KANK1: variants seen among roughly 807,000 people sequenced by gnomAD.
The protein encoded by KANK1 is KN motif and ankyrin repeat domain-containing protein 1.
A neutral mutation model predicts 106.2 loss-of-function variants in KANK1; 109 were observed. The ratio of observed to expected loss-of-function variants is 1.03; its 90% CI spans 0.88 to 1.20. The LOEUF is 1.20. KANK1 is among the 50% of genes most tolerant of loss of function. KANK1 has a pLI of 0.00. For synonymous variants in KANK1, 873 were observed against 652.2 expected, an observed-to-expected ratio of 1.34 and a Z score of -5.16; for missense variants, 2,399 against 1,710.7, an observed-to-expected ratio of 1.40 and a Z score of -7.10.
At chr9:579,690 G>C (rs1160198836) in intron 1 of KANK1, among the ~76,000 whole-genome samples, 2 of 152,140 alleles carry the variant, frequency 1.3e-5, no homozygotes, top group African/African-American at 2.4e-5. Flanking sequence ...GTCCACCTCT[G>C]ACCCTGTGGC....
At position 740,781 on chromosome 9, in the gene KANK1, TTTTTTTA is replaced by T. The variant is rs2132191888; in HGVS notation, c.3554-10_3554-4del. ...GCTTCCTAAGAGACTTTTTTTTTTT[TTTTTTTA>T]CAGATGTGTGTAATGTGGATCACCA... On this transcript the variant is annotated splice_region_variant and splice_polypyrimidine_tract_variant and intron_variant, in intron 8 of 11. Coordinates refer to ENST00000382297, the MANE Select transcript of KANK1 (RefSeq NM_015158.5). 6.3e-7 allele frequency: 1 copy of T among 1,575,672 alleles called. No individual in the cohort carries two copies. The highest frequency in any genetic ancestry group is 8.6e-7 in the Non-Finnish European group (1 of 1,167,812).
At chr9:603,683 G>T (rs1828343938) in intron 1 of KANK1, among the ~76,000 whole-genome samples, 1 of 151,680 alleles carries the variant, frequency 6.6e-6, no homozygotes, top group Admixed American at 6.6e-5. Context: ...GGCCAGGCAT[G>T]GTGGCTTTAC....
chr9:652,526 A>T (rs1451187863), intron 1 of KANK1, among the ~76,000 whole-genome samples: 2 of 152,208 alleles, frequency 1.3e-5, no homozygotes, highest in Non-Finnish European at 2.9e-5. Flanking sequence ...TGTGTCTCAA[A>T]AGTAAAATAA....
At chr9:506,814 A>G (rs2058778950) in intron 1 of KANK1, among the ~76,000 whole-genome samples, 1 of 152,124 alleles carries the variant, frequency 6.6e-6, no homozygotes, top group Non-Finnish European at 1.5e-5. Flanking sequence ...CAGTGCAAGG[A>G]ACTGGGAAGA....
rs116249714 is a variant in KANK1, at chr9:475,367, C to T, written c.-362+2094C>T. ...AATTGGGAGAAGTAACCCAAGACCCCGAAAGTATGCCAACCTGTAAGACCG... is the reference window on the plus strand; with the variant it reads ...AATTGGGAGAAGTAACCCAAGACCCTGAAAGTATGCCAACCTGTAAGACCG... On this transcript the variant is annotated intron_variant, in intron 3 of 15. Coordinates refer to the KANK1 transcript ENST00000382303. Among the ~76,000 whole-genome samples, 501 of 152,308 alleles carry T rather than the reference C, an allele frequency of 3.3e-3. 2 individuals carry two copies. The highest frequency in any genetic ancestry group is 0.011 in the African/African-American group (464 of 41,572).
chr9:617,746 G>T (rs1020496762), intron 1 of KANK1, among the ~76,000 whole-genome samples: 1 of 152,186 alleles, frequency 6.6e-6, no homozygotes, highest in Non-Finnish European at 1.5e-5. Context: ...CGATCAGCAG[G>T]CCAGTTTGTG....
At chr9:531,585 G>A (rs1013647493) in intron 1 of KANK1, among the ~76,000 whole-genome samples, 1 of 152,276 alleles carries the variant, frequency 6.6e-6, no homozygotes. Flanking sequence ...TTGATTGTGG[G>A]GACTCTGTCA....
At chr9:543,316 G>A (rs1034032683) in intron 1 of KANK1, among the ~76,000 whole-genome samples, 5 of 152,132 alleles carry the variant, frequency 3.3e-5, no homozygotes, top group Middle Eastern at 3.4e-3. Flanking sequence ...AGCACTTTGG[G>A]AGGCCAAGGT....
intron 1 of KANK1, among the ~76,000 whole-genome samples, chr9:658,666 G>A (rs1411688877): frequency 2.0e-5 from 3 of 151,876 alleles, no homozygotes; most frequent in East Asian, 1.9e-4. Context: ...TAAGACAGAC[G>A]GTTAAGAAGA....
At chr9:582,948 G>A (rs898206757) in intron 1 of KANK1, among the ~76,000 whole-genome samples, 1 of 152,228 alleles carries the variant, frequency 6.6e-6, no homozygotes, top group African/African-American at 2.4e-5. Flanking sequence ...TAAACTTGTA[G>A]TGACTGATAA....
At chr9:642,482 G>A (rs557193376) in intron 1 of KANK1, among the ~76,000 whole-genome samples, 2 of 151,130 alleles carry the variant, frequency 1.3e-5, no homozygotes, top group African/African-American at 4.9e-5. Context: ...TTTTGAACAA[G>A]TGTTTGATTT....
intron 1 of KANK1, among the ~76,000 whole-genome samples, chr9:558,601 CTTG>C (rs1815516836): frequency 6.6e-6 from 1 of 151,546 alleles, no homozygotes; most frequent in East Asian, 1.9e-4. Context: ...ACATCATGGC[CTTG>C]TTGTGATTAA....
intron 1 of KANK1, among the ~76,000 whole-genome samples, chr9:571,534 G>A (rs1181710335): frequency 6.6e-6 from 1 of 151,548 alleles, no homozygotes; most frequent in Non-Finnish European, 1.5e-5. Flanking sequence ...TTTGTAGTAG[G>A]CAAGGAAACA....
chr9:626,550 A>G (rs1418146826), intron 1 of KANK1, among the ~76,000 whole-genome samples: 1 of 152,220 alleles, frequency 6.6e-6, no homozygotes, highest in African/African-American at 2.4e-5. Flanking sequence ...ATTTTCACTT[A>G]GGAGGAGGCT....
chr9:548,261 A>G (rs1450418124), intron 1 of KANK1, among the ~76,000 whole-genome samples: 1 of 152,210 alleles, frequency 6.6e-6, no homozygotes, highest in East Asian at 1.9e-4. Context: ...AGTGGTTACA[A>G]AAGATTTTTC....
rs201456672 is a variant in KANK1, at chr9:738,333, C to G, written c.3382C>G (p.Gln1128Glu). The G allele has an allele frequency of 7.1e-5, 115 of 1,614,096 alleles. No individual in the cohort carries two copies. The highest frequency in any genetic ancestry group is 1.3e-4 in the Admixed American group (8 of 60,004). ...GCACGAGTGGTTCCGCGTGTCCAGTCAGAAGTCAGCCATTCCAGCCATGGT... is the reference window on the plus strand; with the variant it reads ...GCACGAGTGGTTCCGCGTGTCCAGTGAGAAGTCAGCCATTCCAGCCATGGT... ...LQHEWFRVSS[Q>E]KSAIPAMVGD... Residue 1128 changes from glutamine (Q) to glutamate (E), a missense_variant, in exon 8 of 12, where the codon CAG (glutamine) becomes GAG (glutamate). Coordinates refer to ENST00000382297, the MANE Select transcript of KANK1 (RefSeq NM_015158.5).
chr9:569,976 C>G (rs184991313), intron 1 of KANK1, among the ~76,000 whole-genome samples: 12 of 152,272 alleles, frequency 7.9e-5, no homozygotes, highest in African/African-American at 1.7e-4. Flanking sequence ...TTCCCCACCC[C>G]AGGCCTTTTC....
intron 1 of KANK1, chr9:674,083 G>A (rs1236084404): frequency 6.6e-6 from 1 of 152,110 alleles, no homozygotes; most frequent in Non-Finnish European, 1.5e-5. Flanking sequence ...AAAAGACAGT[G>A]TTTATCCCTA....
At chr9:556,763 C>A (rs2061612157) in intron 1 of KANK1, among the ~76,000 whole-genome samples, 1 of 152,060 alleles carries the variant, frequency 6.6e-6, no homozygotes, top group Non-Finnish European at 1.5e-5. Context: ...TTTATTTTTC[C>A]ACTTTCTTGG....
Sources: gnomAD v4.1 joint callset for allele counts (sites outside exome capture counted in the v4.1 genomes callset) on GRCh38, gnomAD v4.1.1 for gene constraint, MANE v1.5 for transcripts, NCBI Gene and HGNC (gene_info 2026-07-23, HGNC 2026-07-21) for gene names.